PPP5C: variants seen among roughly 807,000 people sequenced by gnomAD.
The protein encoded by PPP5C is serine/threonine-protein phosphatase 5.
A neutral mutation model predicts 66.7 loss-of-function variants in PPP5C; 21 were observed. The observed-to-expected ratio is 0.31, with a 90% CI of 0.22 to 0.45. PPP5C has a LOEUF of 0.45. Ranked by LOEUF, PPP5C falls within the 20% of genes least tolerant of loss-of-function variation. The pLI is 1.00. For synonymous variants in PPP5C, 246 were observed against 257.4 expected (o/e 0.96, Z 0.43); for missense variants, 464 against 675.9 (o/e 0.69, Z 3.48).
chr19:46,389,407 A>AGTGTTGATC (rs1972962940), intron 11 of PPP5C, among the ~76,000 whole-genome samples: 1 of 32,376 alleles, frequency 3.1e-5, no homozygotes, highest in Non-Finnish European at 8.1e-5. Flanking sequence ...ACACACACAC[A>AGTGTTGATC]CACACACACA....
At chr19:46,390,239 GCT>G in intron 12 of PPP5C, 43 bp from the exon 13 acceptor site, 1 of 1,597,946 alleles carries the variant, frequency 6.3e-7, no homozygotes, top group Non-Finnish European at 8.5e-7. Flanking sequence ...GTGCTCAGGG[GCT>G]CTGTTCTGAC....
rs528985074 is a variant in PPP5C, at chr19:46,371,447, G to A, written c.364-4157G>A. On this transcript the variant is annotated intron_variant, in intron 2 of 12. Transcript: ENST00000012443. ...GTAATATAACTCATTTCATCTTCAC[G>A]GCTACCCTGCGCAGTGGAGACTCTC... is the stretch of plus-strand genomic sequence containing the variant. Among the ~76,000 whole-genome samples, 70 of 152,198 alleles carry A rather than the reference G, an allele frequency of 4.6e-4. 1 individual carries two copies. In the South Asian group the frequency reaches 0.014, roughly 31 times the overall value.
chr19:46,362,932 C>T (rs925475805), intron 2 of PPP5C, among the ~76,000 whole-genome samples: 92 of 150,004 alleles, frequency 6.1e-4, no homozygotes, highest in African/African-American at 2.1e-3. Context: ...GGACTACAGG[C>T]GCCCGCCACC....
At chr19:46,363,265 G>A (rs1478381382) in intron 2 of PPP5C, among the ~76,000 whole-genome samples, 7 of 91,572 alleles carry the variant, frequency 7.6e-5, no homozygotes, top group African/African-American at 8.8e-5. Context: ...CCGAGATCCC[G>A]CCACTGCACT....
In PPP5C at chr19:46,384,908, A is replaced by C; in HGVS notation, c.903A>C (p.Arg301=). ...ACCCAGATCACTTTCACCTCCTTCG[A>C]GGTGAGCTGGGAAGTGACAAGGTTT... ...LLYPDHFHLL[R]GNHETDNMNQ... Residue 301 remains arginine, a splice_region_variant and synonymous_variant, in exon 7 of 13, where the codon CGA becomes CGC. Coordinates refer to ENST00000012443, the MANE Select transcript of PPP5C (RefSeq NM_006247.4). The C allele has an allele frequency of 6.2e-7, 1 of 1,611,540 alleles. No individual in the cohort carries two copies. The highest frequency in any genetic ancestry group is 1.6e-4 in the Middle Eastern group (1 of 6,062).
chr19:46,386,976 T>G, intron 7 of PPP5C, 117 bp from the exon 8 acceptor site: 1 of 1,447,458 alleles, frequency 6.9e-7, no homozygotes, highest in Non-Finnish European at 9.5e-7. Context: ...CAGTGGCAAG[T>G]GCGAGGCCCA....
At position 46,390,073 on chromosome 19, in the gene PPP5C, TC is replaced by T; in HGVS notation, c.1380del (p.Tyr461ThrfsTer36). The T allele has an allele frequency of 6.2e-7, 1 of 1,613,982 alleles. No homozygotes were observed. Among genetic ancestry groups the T allele is most frequent in the Non-Finnish European group, 8.5e-7 (1 of 1,179,958 alleles). ...NYCDQMGNKASYIHLQGSDLR... is the reference protein window; with the variant it reads ...NYCDQMGNKAXYIHLQGSDLR... Reference sequence around the variant, plus strand: ...CAGCGACCAGATGGGGAACAAAGCCTCCTACATCCACCTCCAGGGCTCTGAC... The same window carrying T: ...CAGCGACCAGATGGGGAACAAAGCCTCTACATCCACCTCCAGGGCTCTGAC... On this transcript the variant is annotated frameshift_variant, in exon 12 of 13. Coordinates refer to ENST00000012443, the MANE Select transcript of PPP5C (RefSeq NM_006247.4). LOFTEE classifies it high-confidence loss of function.
At chr19:46,375,372 G>A (rs4803936) in intron 2 of PPP5C, among the ~76,000 whole-genome samples, 32,988 of 152,186 alleles carry the variant, frequency 0.22, 4,169 homozygotes, top group Non-Finnish European at 0.3. Context: ...ATTTTAGCGC[G>A]CTCATAGCTA....
Position 46,390,543 on chromosome 19 carries a change from T to C in PPP5C, c.*197T>C. On this transcript the variant is annotated 3_prime_UTR_variant, in exon 13 of 13. Transcript: ENST00000012443. ...GGGGCTGGCCAGAGGGTCTGCTCCC[T>C]GGACAGAGAGGAAGGAGGTGGAGCA... 7.1e-7 allele frequency: 1 copy of C among 1,414,380 alleles called. No homozygotes were observed. The highest frequency in any genetic ancestry group is 2.6e-5 in the East Asian group (1 of 38,414). The allele number at this position is 1,414,380 out of a possible 1,614,324, so 87.6% of individuals were successfully genotyped here. A position where few individuals can be genotyped will look rare whatever the true frequency, so the allele number is the denominator to read the frequency against.
At chr19:46,375,894 C>T in intron 3 of PPP5C, 143 bp downstream of exon 3, 1 of 1,380,110 alleles carries the variant, frequency 7.2e-7, no homozygotes, top group Non-Finnish European at 9.6e-7. Flanking sequence ...GCCTGTGTTC[C>T]AGGGCGCTCC....
Position 46,383,236 on chromosome 19 carries a change from C to T in PPP5C, c.634-175C>T, listed in dbSNP as rs1225293300. 1 of 1,539,836 alleles carries T rather than the reference C, an allele frequency of 6.5e-7. No individual in the cohort carries two copies. Among genetic ancestry groups the T allele is most frequent in the Non-Finnish European group, 8.7e-7 (1 of 1,145,212 alleles). On this transcript the variant is annotated intron_variant, in intron 4 of 12. Coordinates refer to ENST00000012443, the MANE Select transcript of PPP5C (RefSeq NM_006247.4). The surrounding 1 kb of genome is among the most constrained non-coding windows in gnomAD (Gnocchi z 5.0). ...CTGCACAGGCCACAGAAGCCTGCGG[C>T]TGCCTCCGGCCCCGCCTGCTCCCGC...
Position 46,376,358 on chromosome 19 carries a change from A to G in PPP5C, c.512-95A>G. 2.0e-6 allele frequency: 3 copies of G among 1,510,504 alleles called. No individual in the cohort carries two copies. The highest frequency in any genetic ancestry group is 2.5e-5 in the South Asian group (2 of 80,618). 93.6% of individuals were successfully genotyped at this position (1,510,504 alleles called of 1,614,324 possible). ...TGTCCCGCTCTCGACCTGTGTGTCC[A>G]CACCCAAGTTTTCCCCATCCCTGGG... is the stretch of plus-strand genomic sequence containing the variant. On this transcript the variant is annotated intron_variant, in intron 3 of 12. Coordinates refer to ENST00000012443, the MANE Select transcript of PPP5C (RefSeq NM_006247.4). The surrounding 1 kb of genome is among the most constrained non-coding windows in gnomAD (Gnocchi z 5.1).
intron 2 of PPP5C, among the ~76,000 whole-genome samples, chr19:46,359,160 A>T (rs1273030237): frequency 6.6e-6 from 1 of 152,024 alleles, no homozygotes; most frequent in Admixed American, 6.6e-5. Flanking sequence ...GGGGAAGGAG[A>T]TGGCTCAGTG....
At chr19:46,378,519 TA>T (rs1972735143) in intron 4 of PPP5C, among the ~76,000 whole-genome samples, 1 of 152,250 alleles carries the variant, frequency 6.6e-6, no homozygotes, top group African/African-American at 2.4e-5. Flanking sequence ...CTATTTTTTC[TA>T]ATTGCTCAAT....
chr19:46,388,030 T>G lies in PPP5C; in HGVS notation c.1136-378T>G. On this transcript the variant is annotated intron_variant, in intron 9 of 12. Transcript: ENST00000012443. This position sits in a 1 kb window ranked among gnomAD's most constrained non-coding sequence, Gnocchi z 4.9. ...GTGCTTTGAGGGCTGACATTGGACA[T>G]GGGGTTCACTGGGCCCAAATCCTAT... is the stretch of plus-strand genomic sequence containing the variant. 7.3e-6 allele frequency: 2 copies of G among 274,768 alleles called. No homozygotes were observed. Among genetic ancestry groups the G allele is most frequent in the Non-Finnish European group, 1.4e-5 (2 of 142,666 alleles). The allele number at this position is 274,768 out of a possible 1,614,324, so 17.0% of individuals were successfully genotyped here.
chr19:46,366,390 G>C (rs896226755), intron 2 of PPP5C, among the ~76,000 whole-genome samples: 3 of 152,016 alleles, frequency 2.0e-5, no homozygotes, highest in African/African-American at 7.3e-5. Flanking sequence ...CTGTCACCCA[G>C]GCTAGAGTGC....
At chr19:46,382,015 G>A (rs911384632) in intron 4 of PPP5C, 7 of 151,964 alleles carry the variant, frequency 4.6e-5, no homozygotes, top group African/African-American at 7.3e-5. Context: ...CAGCCCTGCC[G>A]CCAGACTGTG....
At chr19:46,375,259 G>C (rs1236713816) in intron 2 of PPP5C, among the ~76,000 whole-genome samples, 1 of 152,176 alleles carries the variant, frequency 6.6e-6, no homozygotes, top group Non-Finnish European at 1.5e-5. Flanking sequence ...TGGTAGTCAC[G>C]ATAGTAGCAT....
chr19:46,390,099 C>T lies in PPP5C; in HGVS notation c.1404C>T (p.Asp468=). ...KASYIHLQGS[D]LRPQFHQFTA... ...CCTACATCCACCTCCAGGGCTCTGA[C>T]CTACGGCCTCAGTTCCACCAGTTCA... Residue 468 remains aspartate (D), a synonymous_variant, in exon 12 of 13, where the codon GAC becomes GAT. Transcript: ENST00000012443. 6.2e-7 allele frequency: 1 copy of T among 1,614,184 alleles called. No individual in the cohort carries two copies. The highest frequency in any genetic ancestry group is 8.5e-7 in the Non-Finnish European group (1 of 1,180,024).
Sources: gnomAD v4.1 joint callset for allele counts (sites outside exome capture counted in the v4.1 genomes callset) on GRCh38, gnomAD v4.1.1 for gene constraint, Gnocchi (gnomAD v3.1) non-coding constraint, MANE v1.5 for transcripts, NCBI Gene and HGNC (gene_info 2026-07-23, HGNC 2026-07-21) for gene names.